The following KRTAP10-8 variants were observed in gnomAD, a reference collection of about 807,000 sequenced individuals.
KRTAP10-8 encodes keratin-associated protein 10-8.
For missense variants in KRTAP10-8, 323 were observed against 329.3 expected (o/e 0.98, Z 0.15); for synonymous variants, 153 against 139.5 (o/e 1.10, Z -0.68).
At position 44,612,249 on chromosome 21, in the gene KRTAP10-8, G is replaced by T; in HGVS notation, c.149G>T (p.Cys50Phe). The change falls in exon 1 of 1, where the codon TGC (cysteine) becomes TTC (phenylalanine). Residue 50 changes from cysteine to phenylalanine, a missense_variant. By Grantham distance (205) the Cys-to-Phe change is radical. Coordinates refer to ENST00000334662, the MANE Select transcript of KRTAP10-8 (RefSeq NM_198695.2). This position sits in a 1 kb window ranked among gnomAD's most constrained non-coding sequence, Gnocchi z 4.1. ...SWQVDNCQES[C>F]CEPRSCASSC... ...CAGGTGGACAATTGCCAGGAAAGCT[G>T]CTGCGAGCCCCGCTCCTGTGCCTCC... 1.4e-5 allele frequency: 23 copies of T among 1,613,626 alleles called. No individual in the cohort carries two copies. The highest frequency in any genetic ancestry group is 1.9e-5 in the Non-Finnish European group (23 of 1,179,988).
chr21:44,612,499 C>T lies in KRTAP10-8; in HGVS notation c.399C>T (p.Cys133=). ...CCKSNCCKPV[C]CVSICSGASS... ...AGTCCAACTGCTGCAAGCCCGTGTGCTGCGTGTCCATCTGCTCTGGAGCTT... is the reference window on the plus strand; with the variant it reads ...AGTCCAACTGCTGCAAGCCCGTGTGTTGCGTGTCCATCTGCTCTGGAGCTT... Residue 133 remains cysteine (C), a synonymous_variant, in exon 1 of 1, where the codon TGC becomes TGT. Transcript: ENST00000334662. The surrounding 1 kb of genome is among the most constrained non-coding windows in gnomAD (Gnocchi z 4.1). The T allele has an allele frequency of 6.2e-7, 1 of 1,610,134 alleles. No individual in the cohort carries two copies. The highest frequency in any genetic ancestry group is 1.1e-5 in the South Asian group (1 of 91,012).
rs150190426 is a variant in KRTAP10-8 at position 44,612,852 on chromosome 21, G to A, written c.752G>A (p.Arg251His). 9.6e-3 allele frequency: 15,551 copies of A among 1,612,230 alleles called. 119 individuals are homozygous for A. Among genetic ancestry groups the A allele is most frequent in the Non-Finnish European group, 0.011 (13,301 of 1,179,764 alleles). The change falls in exon 1 of 1, where the codon CGC becomes CAC. Residue 251 changes from arginine to histidine, a missense_variant. Coordinates refer to ENST00000334662, the MANE Select transcript of KRTAP10-8 (RefSeq NM_198695.2). The surrounding 1 kb of genome is among the most constrained non-coding windows in gnomAD (Gnocchi z 4.1). ...HPASCLSFLC[R>H]PACSRLAC is the part of the protein sequence containing the mutation. ...GCCTCCTGCCTGTCCTTCCTCTGCC[G>A]CCCCGCGTGCTCCCGCCTGGCCTGC...
At position 44,612,602 on chromosome 21, in the gene KRTAP10-8, C is replaced by T. The variant is rs781798824; in HGVS notation, c.502C>T (p.Pro168Ser). 9 of 1,613,994 alleles carry T rather than the reference C, an allele frequency of 5.6e-6. No homozygotes were observed. The highest frequency in any genetic ancestry group is 6.8e-6 in the Non-Finnish European group (8 of 1,179,990). Residue 168 changes from proline to serine, a missense_variant, in exon 1 of 1, where the codon CCC becomes TCC. Pro to Ser is a moderately conservative substitution (Grantham distance 74). Coordinates refer to ENST00000334662, the MANE Select transcript of KRTAP10-8 (RefSeq NM_198695.2). This position sits in a 1 kb window ranked among gnomAD's most constrained non-coding sequence, Gnocchi z 4.1. ...FSPCQQACCV[P>S]ICCKPICCVP... Reference sequence around the variant, plus strand: ...CCCATGCCAACAGGCCTGCTGTGTGCCCATCTGCTGCAAGCCCATCTGCTG... The same window carrying T: ...CCCATGCCAACAGGCCTGCTGTGTGTCCATCTGCTGCAAGCCCATCTGCTG...
rs141295608 is a variant in KRTAP10-8, at chr21:44,612,417, C to T, written c.317C>T (p.Pro106Leu). The T allele has an allele frequency of 1.3e-4, 212 of 1,614,114 alleles. 1 individual carries two copies. In the African/African-American group the frequency reaches 1.6e-3, roughly 12 times the overall value. The change falls in exon 1 of 1, where the codon CCG becomes CTG. Residue 106 changes from proline (P) to leucine (L), a missense_variant. By Grantham distance (98) the Pro-to-Leu change is moderately conservative. Transcript: ENST00000334662. The surrounding 1 kb of genome is among the most constrained non-coding windows in gnomAD (Gnocchi z 4.1). ...PSCCQQSSCQ[P>L]ACCTSSPCQQ... is the part of the protein sequence containing the mutation. The stretch of plus-strand genomic sequence containing the variant: ...TGCTGCCAGCAGTCTAGCTGCCAGC[C>T]GGCTTGCTGCACCTCCTCCCCCTGC...
rs145545716 is a variant in KRTAP10-8, at chr21:44,612,166, T to A, written c.66T>A (p.Ser22Arg). The A allele has an allele frequency of 5.8e-4, 937 of 1,613,964 alleles. No individual in the cohort carries two copies. The highest frequency in any genetic ancestry group is 7.3e-4 in the Non-Finnish European group (859 of 1,180,002). The stretch of plus-strand genomic sequence containing the variant: ...CATCCACCATGTCTGTCTGCTCCAG[T>A]GACGTGGGCCATGTCAGCCGAGTCT... The part of the protein sequence containing the change: ...IAASTMSVCS[S>R]DVGHVSRVSS... The change falls in exon 1 of 1, where the codon AGT becomes AGA. Residue 22 changes from serine (S) to arginine (R), a missense_variant. By Grantham distance (110) the Ser-to-Arg change is moderately radical. Transcript: ENST00000334662. The surrounding 1 kb of genome is among the most constrained non-coding windows in gnomAD (Gnocchi z 4.1).
At position 44,612,867 on chromosome 21, in the gene KRTAP10-8, G is replaced by T; in HGVS notation, c.767G>T (p.Arg256Leu). 1.9e-6 allele frequency: 3 copies of T among 1,611,596 alleles called. No homozygotes were observed. Among genetic ancestry groups the T allele is most frequent in the Non-Finnish European group, 1.7e-6 (2 of 1,179,702 alleles). ...TTCCTCTGCCGCCCCGCGTGCTCCC[G>T]CCTGGCCTGCTGAGGCCTCTGCTCA... ...LSFLCRPACS[R>L]LAC The change falls in exon 1 of 1, where the codon CGC becomes CTC. Residue 256 changes from arginine (R) to leucine (L), a missense_variant. Transcript: ENST00000334662. This position sits in a 1 kb window ranked among gnomAD's most constrained non-coding sequence, Gnocchi z 4.1.
chr21:44,612,656 C>T lies in KRTAP10-8; in HGVS notation c.556C>T (p.Leu186=). The change falls in exon 1 of 1, where the codon CTG becomes TTG. Residue 186 remains leucine (L), a synonymous_variant. Coordinates refer to ENST00000334662, the MANE Select transcript of KRTAP10-8 (RefSeq NM_198695.2). The surrounding 1 kb of genome is among the most constrained non-coding windows in gnomAD (Gnocchi z 4.1). ...GCCTGTCTGCTCTGGGGCTTCCTCT[C>T]TGTGCTGCCAGAAGTCTAGCTGCCA... The part of the protein sequence containing the change: ...CVPVCSGASS[L]CCQKSSCQPA... 6.2e-7 allele frequency: 1 copy of T among 1,613,008 alleles called. No homozygotes were observed. The highest frequency in any genetic ancestry group is 2.2e-5 in the East Asian group (1 of 44,820).
chr21:44,612,307 C>G lies in KRTAP10-8; in HGVS notation c.207C>G (p.Ala69=). The G allele has an allele frequency of 6.2e-7, 1 of 1,613,692 alleles. No homozygotes were observed. The highest frequency in any genetic ancestry group is 8.5e-7 in the Non-Finnish European group (1 of 1,180,008). ...GTACCCCTAGCTGCTGTGCCCCAGC[C>G]CCCTGCCTGGCCCTGGTCTGTGCCC... ...SCCTPSCCAP[A]PCLALVCAPV... is the part of the protein sequence containing the mutation. The change falls in exon 1 of 1, where the codon GCC becomes GCG. Residue 69 remains alanine, a synonymous_variant. Transcript: ENST00000334662. This position sits in a 1 kb window ranked among gnomAD's most constrained non-coding sequence, Gnocchi z 4.1.
In KRTAP10-8 at chr21:44,612,251, T is replaced by G. The variant is rs782749880; in HGVS notation, c.151T>G (p.Cys51Gly). The change falls in exon 1 of 1, where the codon TGC (cysteine) becomes GGC (glycine). Residue 51 changes from cysteine to glycine, a missense_variant. Cys to Gly is a radical substitution (Grantham distance 159). Transcript: ENST00000334662. This position sits in a 1 kb window ranked among gnomAD's most constrained non-coding sequence, Gnocchi z 4.1. Reference protein sequence around the residue: ...WQVDNCQESCCEPRSCASSCC... With the variant: ...WQVDNCQESCGEPRSCASSCC... The stretch of plus-strand genomic sequence containing the variant: ...GGTGGACAATTGCCAGGAAAGCTGC[T>G]GCGAGCCCCGCTCCTGTGCCTCCAG... The G allele has an allele frequency of 1.2e-6, 2 of 1,613,672 alleles. No homozygotes were observed. Among genetic ancestry groups the G allele is most frequent in the Non-Finnish European group, 1.7e-6 (2 of 1,179,996 alleles).
At position 44,612,759 on chromosome 21, in the gene KRTAP10-8, C is replaced by T; in HGVS notation, c.659C>T (p.Ala220Val). ...CTCTGCCGCCCTGTGTGCCGGCCTGCCTGCTGTGTGCCTGTCCCCTCCTGT... is the reference window on the plus strand; with the variant it reads ...CTCTGCCGCCCTGTGTGCCGGCCTGTCTGCTGTGTGCCTGTCCCCTCCTGT... Reference protein sequence around the residue: ...SLLCRPVCRPACCVPVPSCCV... With the variant: ...SLLCRPVCRPVCCVPVPSCCV... Residue 220 changes from alanine (A) to valine (V), a missense_variant, in exon 1 of 1, where the codon GCC becomes GTC. Coordinates refer to ENST00000334662, the MANE Select transcript of KRTAP10-8 (RefSeq NM_198695.2). The surrounding 1 kb of genome is among the most constrained non-coding windows in gnomAD (Gnocchi z 4.1). The T allele has an allele frequency of 6.2e-7, 1 of 1,613,734 alleles. No homozygotes were observed. Among genetic ancestry groups the T allele is most frequent in the Non-Finnish European group, 8.5e-7 (1 of 1,179,950 alleles).
chr21:44,612,549 G>A lies in KRTAP10-8; in HGVS notation c.449G>A (p.Ser150Asn). 6.2e-7 allele frequency: 1 copy of A among 1,614,058 alleles called. No homozygotes were observed. Among genetic ancestry groups the A allele is most frequent in the Non-Finnish European group, 8.5e-7 (1 of 1,179,960 alleles). The change falls in exon 1 of 1, where the codon AGC becomes AAC. Residue 150 changes from serine to asparagine, a missense_variant. Physicochemically the swap from Ser to Asn is conservative, Grantham distance 46. Transcript: ENST00000334662. The surrounding 1 kb of genome is among the most constrained non-coding windows in gnomAD (Gnocchi z 4.1). ...TCCTCCCCATGCTGCCAGCAGTCTA[G>A]CTGCCAGTCAGCTTGCTGCACCTTC... ...GASSPCCQQS[S>N]CQSACCTFSP...
chr21:44,612,620 A>G lies in KRTAP10-8; in HGVS notation c.520A>G (p.Ile174Val), dbSNP rs782294785. 1.2e-6 allele frequency: 2 copies of G among 1,612,032 alleles called. No homozygotes were observed. Among genetic ancestry groups the G allele is most frequent in the East Asian group, 2.2e-5 (1 of 44,790 alleles). The change falls in exon 1 of 1, where the codon ATC becomes GTC. Residue 174 changes from isoleucine (I) to valine (V), a missense_variant. Transcript: ENST00000334662. The surrounding 1 kb of genome is among the most constrained non-coding windows in gnomAD (Gnocchi z 4.1). ...ACCVPICCKPICCVPVCSGAS... is the reference protein window; with the variant it reads ...ACCVPICCKPVCCVPVCSGAS... ...CTGTGTGCCCATCTGCTGCAAGCCC[A>G]TCTGCTGTGTGCCTGTCTGCTCTGG...
rs1555931102 is a variant in KRTAP10-8, at chr21:44,612,173, G to A, written c.73G>A (p.Gly25Ser). 6.2e-7 allele frequency: 1 copy of A among 1,614,040 alleles called. No individual in the cohort carries two copies. Among genetic ancestry groups the A allele is most frequent in the Non-Finnish European group, 8.5e-7 (1 of 1,180,000 alleles). Residue 25 changes from glycine to serine, a missense_variant, in exon 1 of 1, where the codon GGC becomes AGC. Gly to Ser is a moderately conservative substitution (Grantham distance 56, BLOSUM62 0). Coordinates refer to ENST00000334662, the MANE Select transcript of KRTAP10-8 (RefSeq NM_198695.2). This position sits in a 1 kb window ranked among gnomAD's most constrained non-coding sequence, Gnocchi z 4.1. ...CATGTCTGTCTGCTCCAGTGACGTG[G>A]GCCATGTCAGCCGAGTCTCCTCCCC... ...STMSVCSSDV[G>S]HVSRVSSPST... is the part of the protein sequence containing the mutation.
In KRTAP10-8 at chr21:44,612,775, C is replaced by T; in HGVS notation, c.675C>T (p.Val225=). 6.2e-7 allele frequency: 1 copy of T among 1,613,682 alleles called. No individual in the cohort carries two copies. The highest frequency in any genetic ancestry group is 1.1e-5 in the South Asian group (1 of 91,060). ...PVCRPACCVP[V]PSCCVPASSC... is the part of the protein sequence containing the mutation. ...GCCGGCCTGCCTGCTGTGTGCCTGT[C>T]CCCTCCTGTTGTGTCCCTGCCTCCT... The change falls in exon 1 of 1, where the codon GTC becomes GTT. Residue 225 remains valine (V), a synonymous_variant. Coordinates refer to ENST00000334662, the MANE Select transcript of KRTAP10-8 (RefSeq NM_198695.2). This position sits in a 1 kb window ranked among gnomAD's most constrained non-coding sequence, Gnocchi z 4.1.
rs1555931435 is a variant in KRTAP10-8 at position 44,612,570 on chromosome 21, C to A, written c.470C>A (p.Thr157Asn). 1 of 1,613,932 alleles carries A rather than the reference C, an allele frequency of 6.2e-7. No individual in the cohort carries two copies. The highest frequency in any genetic ancestry group is 8.5e-7 in the Non-Finnish European group (1 of 1,179,982). Reference sequence around the variant, plus strand: ...TCTAGCTGCCAGTCAGCTTGCTGCACCTTCTCCCCATGCCAACAGGCCTGC... The same window carrying A: ...TCTAGCTGCCAGTCAGCTTGCTGCAACTTCTCCCCATGCCAACAGGCCTGC... ...QQSSCQSACC[T>N]FSPCQQACCV... The change falls in exon 1 of 1, where the codon ACC (threonine) becomes AAC (asparagine). Residue 157 changes from threonine to asparagine, a missense_variant. By Grantham distance (65) the Thr-to-Asn change is moderately conservative. Coordinates refer to ENST00000334662, the MANE Select transcript of KRTAP10-8 (RefSeq NM_198695.2). The surrounding 1 kb of genome is among the most constrained non-coding windows in gnomAD (Gnocchi z 4.1).
chr21:44,612,776 C>A lies in KRTAP10-8; in HGVS notation c.676C>A (p.Pro226Thr). Residue 226 changes from proline to threonine, a missense_variant, in exon 1 of 1, where the codon CCC becomes ACC. Transcript: ENST00000334662. This position sits in a 1 kb window ranked among gnomAD's most constrained non-coding sequence, Gnocchi z 4.1. ...VCRPACCVPVPSCCVPASSCQ... is the reference protein window; with the variant it reads ...VCRPACCVPVTSCCVPASSCQ... ...CCGGCCTGCCTGCTGTGTGCCTGTC[C>A]CCTCCTGTTGTGTCCCTGCCTCCTC... 6.2e-7 allele frequency: 1 copy of A among 1,613,712 alleles called. No individual in the cohort carries two copies. The highest frequency in any genetic ancestry group is 1.3e-5 in the African/African-American group (1 of 74,952).
In KRTAP10-8 at chr21:44,612,877, C is replaced by G; in HGVS notation, c.777C>G (p.Cys259Trp). ...LCRPACSRLAC is the reference protein window; with the variant it reads ...LCRPACSRLAW ...GCCCCGCGTGCTCCCGCCTGGCCTG[C>G]TGAGGCCTCTGCTCAGGCCAGGAGT... Residue 259 changes from cysteine to tryptophan, a missense_variant, in exon 1 of 1, where the codon TGC becomes TGG. Coordinates refer to ENST00000334662, the MANE Select transcript of KRTAP10-8 (RefSeq NM_198695.2). This position sits in a 1 kb window ranked among gnomAD's most constrained non-coding sequence, Gnocchi z 4.1. 1 of 1,611,062 alleles carries G rather than the reference C, an allele frequency of 6.2e-7. No homozygotes were observed. The highest frequency in any genetic ancestry group is 8.5e-7 in the Non-Finnish European group (1 of 1,179,626).
At position 44,612,155 on chromosome 21, in the gene KRTAP10-8, G is replaced by A. The variant is rs782101894; in HGVS notation, c.55G>A (p.Val19Ile). The A allele has an allele frequency of 6.2e-6, 10 of 1,614,066 alleles. No individual in the cohort carries two copies. The highest frequency in any genetic ancestry group is 8.5e-6 in the Non-Finnish European group (10 of 1,179,992). Residue 19 changes from valine (V) to isoleucine (I), a missense_variant, in exon 1 of 1, where the codon GTC becomes ATC. Coordinates refer to ENST00000334662, the MANE Select transcript of KRTAP10-8 (RefSeq NM_198695.2). This position sits in a 1 kb window ranked among gnomAD's most constrained non-coding sequence, Gnocchi z 4.1. Reference protein sequence around the residue: ...TYVIAASTMSVCSSDVGHVSR... With the variant: ...TYVIAASTMSICSSDVGHVSR... ...TGTGATTGCTGCATCCACCATGTCT[G>A]TCTGCTCCAGTGACGTGGGCCATGT...
rs782412783 is a variant in KRTAP10-8, at chr21:44,612,664, C to T, written c.564C>T (p.Cys188=). ...PVCSGASSLC[C]QKSSCQPACC... ...GCTCTGGGGCTTCCTCTCTGTGCTGCCAGAAGTCTAGCTGCCAGCCGGCTT... is the reference window on the plus strand; with the variant it reads ...GCTCTGGGGCTTCCTCTCTGTGCTGTCAGAAGTCTAGCTGCCAGCCGGCTT... The change falls in exon 1 of 1, where the codon TGC becomes TGT. Residue 188 remains cysteine (C), a synonymous_variant. Transcript: ENST00000334662. The surrounding 1 kb of genome is among the most constrained non-coding windows in gnomAD (Gnocchi z 4.1). 2 of 1,614,138 alleles carry T rather than the reference C, an allele frequency of 1.2e-6. No individual in the cohort carries two copies. The highest frequency in any genetic ancestry group is 1.3e-5 in the African/African-American group (1 of 75,010).
Sources: allele counts gnomAD v4.1 joint callset, GRCh38; gene constraint gnomAD v4.1.1; non-coding constraint Gnocchi (gnomAD v3.1); transcripts MANE v1.5; gene names NCBI Gene and HGNC (gene_info 2026-07-23, HGNC 2026-07-21).